The following DPP10 variants were observed in gnomAD, a reference collection of about 807,000 sequenced individuals.
DPP10 encodes dipeptidyl peptidase like 10.
Under a neutral mutation model 120.9 loss-of-function variants are expected in DPP10, and 33 were observed. The ratio of observed to expected loss-of-function variants is 0.27; its 90% CI spans 0.21 to 0.37. The LOEUF is 0.37. DPP10 is among the 10% of genes least tolerant of loss of function. DPP10 has a pLI of 1.00. For missense variants in DPP10, 816 were observed against 942.8 expected, an observed-to-expected ratio of 0.87 and a Z score of 1.76; for synonymous variants, 337 against 326.1, an observed-to-expected ratio of 1.03 and a Z score of -0.36.
rs1373594248 is a variant in DPP10 at position 115,332,058 on chromosome 2, C to CT, written c.176-11752dup. On this transcript the variant is annotated intron_variant, in intron 2 of 25. Transcript: ENST00000410059. ...AGCTGTGAATCCATCTGGTCCTGGA[C>CT]TTTTTTTGGTTGGTAAGCTATTGAT... 4.6e-5 allele frequency among the ~76,000 whole-genome samples: 7 copies of CT among 151,966 alleles called. No individual in the cohort carries two copies. In the East Asian group the frequency reaches 1.4e-3, roughly 29 times the overall value.
intron 1 of DPP10, among the ~76,000 whole-genome samples, chr2:114,541,062 A>C (rs2104802611): frequency 6.6e-6 from 1 of 152,340 alleles, no homozygotes; most frequent in South Asian, 2.1e-4. Flanking sequence ...GAATGTTTCA[A>C]ATGAGAACTC....
At chr2:114,641,832 T>C (rs1695729978) in intron 1 of DPP10, among the ~76,000 whole-genome samples, 1 of 151,960 alleles carries the variant, frequency 6.6e-6, no homozygotes, top group African/African-American at 2.4e-5. Flanking sequence ...TTATAGATCA[T>C]AATTAAATAG....
At chr2:115,418,158 G>T (rs755078761) in intron 3 of DPP10, among the ~76,000 whole-genome samples, 2 of 152,168 alleles carry the variant, frequency 1.3e-5, no homozygotes, top group Non-Finnish European at 2.9e-5. Flanking sequence ...GATGTGATGT[G>T]TGCAAGAGAA....
Position 114,501,659 on chromosome 2 carries a change from G to T in DPP10, c.60+58821G>T, listed in dbSNP as rs114538611. Among the ~76,000 whole-genome samples the T allele has an allele frequency of 6.5e-3, 987 of 152,116 alleles. 6 individuals carry two copies. The highest frequency in any genetic ancestry group is 7.8e-3 in the Non-Finnish European group (530 of 67,990). ...CTAATGATTCATTGTACATTACTAC[G>T]CCCCATTAGGTGTCTACATTACATC... On this transcript the variant is annotated intron_variant, in intron 1 of 25. Coordinates refer to ENST00000410059, the MANE Select transcript of DPP10 (RefSeq NM_020868.6).
intron 1 of DPP10, among the ~76,000 whole-genome samples, chr2:115,203,812 T>A (rs1408629176): frequency 1.3e-5 from 2 of 152,148 alleles, no homozygotes; most frequent in Non-Finnish European, 2.9e-5. Context: ...GGATTTTTTC[T>A]TGTTAAATTT....
intron 7 of DPP10, among the ~76,000 whole-genome samples, chr2:115,693,679 T>C (rs1037096215): frequency 6.6e-6 from 1 of 152,108 alleles, no homozygotes; most frequent in Non-Finnish European, 1.5e-5. Context: ...TTTTAATATA[T>C]TTAAGAAAAT....
intron 1 of DPP10, among the ~76,000 whole-genome samples, chr2:115,215,743 G>T (rs2105377643): frequency 6.6e-6 from 1 of 152,208 alleles, no homozygotes; most frequent in South Asian, 2.1e-4. Flanking sequence ...ATATAATCCA[G>T]CAATCCCATT....
At chr2:115,140,861 A>AT (rs1240689732) in intron 1 of DPP10, among the ~76,000 whole-genome samples, 1 of 151,832 alleles carries the variant, frequency 6.6e-6, no homozygotes, top group Admixed American at 6.6e-5. Context: ...TTTGGGGGCC[A>AT]TAATTATTTT....
chr2:114,695,658 C>T lies in DPP10; in HGVS notation c.60+252820C>T, dbSNP rs189827062. 2.9e-3 allele frequency among the ~76,000 whole-genome samples: 443 copies of T among 152,126 alleles called. 13 individuals are homozygous for T. The highest frequency in any genetic ancestry group is 0.026 in the Admixed American group (393 of 15,246). On this transcript the variant is annotated intron_variant, in intron 1 of 25. Transcript: ENST00000410059. ...GAATAAAAAGGATCTTGAAGCAATT[C>T]CCTTTTATCTTGCTTTATTCTTAAC... is the stretch of plus-strand genomic sequence containing the variant.
At chr2:114,769,806 C>T (rs1443950064) in intron 1 of DPP10, among the ~76,000 whole-genome samples, 1 of 152,126 alleles carries the variant, frequency 6.6e-6, no homozygotes, top group Admixed American at 6.5e-5. Flanking sequence ...GTTAAGGTGA[C>T]ATACAAATGT....
chr2:114,508,194 T>G (rs1379479692), intron 1 of DPP10, among the ~76,000 whole-genome samples: 4 of 152,210 alleles, frequency 2.6e-5, no homozygotes, highest in East Asian at 1.9e-4. Flanking sequence ...GTCCTTACAC[T>G]GAAGCTATAA....
chr2:115,295,096 T>C (rs2060826129), intron 1 of DPP10, among the ~76,000 whole-genome samples: 1 of 152,120 alleles, frequency 6.6e-6, no homozygotes, highest in African/African-American at 2.4e-5. Flanking sequence ...GGATGGCTTA[T>C]TTTTAACTAA....
At chr2:114,751,972 G>T in intron 1 of DPP10, among the ~76,000 whole-genome samples, 1 of 152,202 alleles carries the variant, frequency 6.6e-6, no homozygotes, top group South Asian at 2.1e-4. Context: ...TTTCTAAGAA[G>T]CTCCCAGGTG....
chr2:115,491,898 G>T (rs2076145616), intron 3 of DPP10, among the ~76,000 whole-genome samples: 1 of 152,230 alleles, frequency 6.6e-6, no homozygotes, highest in African/African-American at 2.4e-5. Flanking sequence ...ATTTGATCAA[G>T]TGTCAAAGGC....
chr2:115,255,768 C>T (rs1022407865), intron 1 of DPP10, among the ~76,000 whole-genome samples: 1 of 152,178 alleles, frequency 6.6e-6, no homozygotes, highest in African/African-American at 2.4e-5. Flanking sequence ...AGTTCTTAGA[C>T]TACTGTGGCC....
At chr2:114,793,494 T>C (rs1558747243) in intron 1 of DPP10, among the ~76,000 whole-genome samples, 1 of 152,218 alleles carries the variant, frequency 6.6e-6, no homozygotes, top group Non-Finnish European at 1.5e-5. Flanking sequence ...TTTTTATGGC[T>C]GTTTTTAAAA....
At chr2:114,717,345 A>G (rs959236768) in intron 1 of DPP10, among the ~76,000 whole-genome samples, 4 of 152,252 alleles carry the variant, frequency 2.6e-5, no homozygotes, top group Admixed American at 1.3e-4. Context: ...GACACAGAGC[A>G]TCTACTTGTC....
chr2:115,219,331 C>T (rs2057011616), intron 1 of DPP10, among the ~76,000 whole-genome samples: 1 of 152,056 alleles, frequency 6.6e-6, no homozygotes, highest in African/African-American at 2.4e-5. Context: ...AATAGGAACA[C>T]ACTTAATTTT....
intron 1 of DPP10, among the ~76,000 whole-genome samples, chr2:115,024,739 G>A (rs1703337078): frequency 6.8e-6 from 1 of 146,450 alleles, no homozygotes; most frequent in Non-Finnish European, 1.5e-5. Context: ...TAAATAATTT[G>A]TTATATATAT....
Sources: allele counts gnomAD v4.1 joint callset (sites outside exome capture counted in the v4.1 genomes callset), GRCh38; gene constraint gnomAD v4.1.1; transcripts MANE v1.5; gene names NCBI Gene and HGNC (gene_info 2026-07-23, HGNC 2026-07-21).